UTRN: variants seen among roughly 807,000 people sequenced by gnomAD.
UTRN encodes dystrophin-related protein 1.
Under a neutral mutation model 463.9 loss-of-function variants are expected in UTRN, and 283 were observed. That is an observed-to-expected ratio of 0.61 (90% CI 0.55 to 0.67). The LOEUF (loss-of-function observed/expected upper bound fraction) is 0.67. Ranked by LOEUF, UTRN falls within the 30% of genes least tolerant of loss-of-function variation. The probability of loss-of-function intolerance (pLI) is 0.00; values close to 1 mark genes in which losing one functional copy is unlikely to be tolerated. For missense variants in UTRN, 3,922 were observed against 4,084.3 expected, an observed-to-expected ratio of 0.96 and a Z score of 1.08; for synonymous variants, 1,442 against 1,431.5, an observed-to-expected ratio of 1.01 and a Z score of -0.17.
chr6:144,318,038 C>G (rs1044641988), intron 2 of UTRN, among the ~76,000 whole-genome samples: 2 of 151,850 alleles, frequency 1.3e-5, no homozygotes, highest in African/African-American at 4.8e-5. Context: ...GTTTCATTTT[C>G]GGCTTAGGTA....
intron 13 of UTRN, among the ~76,000 whole-genome samples, chr6:144,443,714 A>AT (rs540154513): frequency 9.9e-4 from 151 of 152,156 alleles, no homozygotes; most frequent in African/African-American, 3.5e-3. Flanking sequence ...CTTATGGGGA[A>AT]TTTTTTTATG....
At chr6:144,836,170 C>A in intron 70 of UTRN, 131 bp from the exon 71 acceptor site, 1 of 1,477,372 alleles carries the variant, frequency 6.8e-7, no homozygotes, top group Non-Finnish European at 9.1e-7. Context: ...TTCCTGCATG[C>A]TCATCCTGCT....
At chr6:144,434,274 G>T (rs1786302532) in intron 9 of UTRN, among the ~76,000 whole-genome samples, 1 of 151,232 alleles carries the variant, frequency 6.6e-6, no homozygotes, top group African/African-American at 2.4e-5. Context: ...GGAGGTTGCA[G>T]TGAGCCGAGA....
chr6:144,590,937 T>C (rs1803000845), intron 51 of UTRN, among the ~76,000 whole-genome samples: 1 of 151,492 alleles, frequency 6.6e-6, no homozygotes, highest in Non-Finnish European at 1.5e-5. Context: ...TTAATATTGA[T>C]AAAATGGTAA....
intron 50 of UTRN, among the ~76,000 whole-genome samples, chr6:144,574,969 A>G (rs1211295588): frequency 6.6e-6 from 1 of 152,136 alleles, no homozygotes; most frequent in Non-Finnish European, 1.5e-5. Context: ...CTTTACAAAA[A>G]ACTGCCAGCT....
chr6:144,521,916 A>C (rs555628371), intron 39 of UTRN, 64 bp from the exon 40 acceptor site: 1 of 1,037,354 alleles, frequency 9.6e-7, no homozygotes, highest in East Asian at 3.7e-5. Context: ...GTTATTATTC[A>C]TTGTGGGGGT....
chr6:144,388,317 T>A (rs1404120086), intron 2 of UTRN, among the ~76,000 whole-genome samples: 1 of 151,388 alleles, frequency 6.6e-6, no homozygotes, highest in African/African-American at 2.4e-5. Context: ...TTTTAACCTT[T>A]TGTGTTTTTT....
rs185334859 is a variant in UTRN at position 144,635,212 on chromosome 6, A to G, written c.7480-43194A>G. ...TCACCCAGGCTAGAGTCCAAGTAGT[A>G]TGATCTGGGCTCACTACAGCCTTGA... On this transcript the variant is annotated intron_variant, in intron 51 of 74. Transcript: ENST00000367545. Among the ~76,000 whole-genome samples the G allele has an allele frequency of 7.5e-4, 105 of 139,774 alleles. 1 individual carries two copies. Among genetic ancestry groups the G allele is most frequent in the Admixed American group, 7.3e-3 (94 of 12,814 alleles). 91.7% of individuals were successfully genotyped at this position (139,774 alleles called of 152,430 possible). A position where few individuals can be genotyped will look rare whatever the true frequency, so the allele number is the denominator to read the frequency against.
chr6:144,408,279 C>T (rs1357647950), intron 3 of UTRN, among the ~76,000 whole-genome samples: 3 of 152,212 alleles, frequency 2.0e-5, no homozygotes, highest in Non-Finnish European at 4.4e-5. Flanking sequence ...GTGTTTTGCC[C>T]CTTCTAAATT....
Position 144,771,924 on chromosome 6 carries a change from C to A in UTRN, c.8513C>A (p.Thr2838Asn). The stretch of plus-strand genomic sequence containing the variant: ...TTTTCCAGCCATCAAACACAGACCA[C>A]CTGTTGGGACCATCCTAAAATGACC... Reference protein sequence around the residue: ...PYYINHQTQTTCWDHPKMTEL... With the variant: ...PYYINHQTQTNCWDHPKMTEL... Residue 2838 changes from threonine (T) to asparagine (N), a missense_variant, in exon 59 of 75, where the codon ACC becomes AAC. Thr to Asn is a moderately conservative substitution (Grantham distance 65). Coordinates refer to ENST00000367545, the MANE Select transcript of UTRN (RefSeq NM_007124.3). The A allele has an allele frequency of 6.3e-7, 1 of 1,590,206 alleles. No individual in the cohort carries two copies. Among genetic ancestry groups the A allele is most frequent in the Admixed American group, 1.8e-5 (1 of 55,762 alleles).
intron 53 of UTRN, among the ~76,000 whole-genome samples, chr6:144,713,835 G>A (rs1185722071): frequency 2.0e-5 from 3 of 150,474 alleles, no homozygotes; most frequent in East Asian, 2.0e-4. Flanking sequence ...CAGGAGAATC[G>A]CTTGAACCCG....
At chr6:144,633,280 AG>A (rs1353179898) in intron 51 of UTRN, among the ~76,000 whole-genome samples, 4 of 149,402 alleles carry the variant, frequency 2.7e-5, no homozygotes, top group African/African-American at 1.0e-4. Flanking sequence ...CCCAGGCTGA[AG>A]TGCAATGGCG....
At chr6:144,744,874 T>C (rs2128721029) in intron 54 of UTRN, among the ~76,000 whole-genome samples, 1 of 152,306 alleles carries the variant, frequency 6.6e-6, no homozygotes, top group African/African-American at 2.4e-5. Flanking sequence ...AAGAACCCAG[T>C]GGAGTGGAAA....
At chr6:144,724,120 A>G (rs969179699) in intron 53 of UTRN, among the ~76,000 whole-genome samples, 3 of 151,290 alleles carry the variant, frequency 2.0e-5, no homozygotes, top group African/African-American at 7.3e-5. Context: ...TTGTTGAGAT[A>G]GTATTCCTGT....
At chr6:144,691,355 G>C (rs1396147087) in intron 52 of UTRN, among the ~76,000 whole-genome samples, 1 of 152,228 alleles carries the variant, frequency 6.6e-6, no homozygotes. Flanking sequence ...GGCCTCAAGT[G>C]ATCCACCCTC....
At chr6:144,759,414 T>G (rs947860419) in intron 58 of UTRN, among the ~76,000 whole-genome samples, 29 of 152,252 alleles carry the variant, frequency 1.9e-4, no homozygotes, top group African/African-American at 7.0e-4. Flanking sequence ...TGGTTGAATA[T>G]TGACTTGAAT....
chr6:144,324,250 A>G (rs927253482), intron 2 of UTRN, among the ~76,000 whole-genome samples: 1 of 152,206 alleles, frequency 6.6e-6, no homozygotes, highest in Admixed American at 6.5e-5. Flanking sequence ...TAAAACATTA[A>G]TGCAATTTAG....
chr6:144,488,295 G>A (rs1437190099), intron 29 of UTRN, among the ~76,000 whole-genome samples: 1 of 152,144 alleles, frequency 6.6e-6, no homozygotes, highest in East Asian at 1.9e-4. Flanking sequence ...AGACTCTGAT[G>A]TTTGTGTATT....
chr6:144,744,028 C>T (rs916393619), intron 54 of UTRN, among the ~76,000 whole-genome samples: 1 of 149,406 alleles, frequency 6.7e-6, no homozygotes, highest in African/African-American at 2.4e-5. Flanking sequence ...TGGCTTATGC[C>T]TGTAATCTTA....
Sources: gnomAD v4.1 joint callset for allele counts (sites outside exome capture counted in the v4.1 genomes callset) on GRCh38, gnomAD v4.1.1 for gene constraint, MANE v1.5 for transcripts, NCBI Gene and HGNC (gene_info 2026-07-23, HGNC 2026-07-21) for gene names.